TUB: variants seen among roughly 807,000 people sequenced by gnomAD.
TUB encodes the protein tubby protein homolog.
Under a neutral mutation model 59.7 loss-of-function variants are expected in TUB, and 33 were observed. That is an observed-to-expected ratio of 0.55 (90% CI 0.42 to 0.74). The LOEUF (loss-of-function observed/expected upper bound fraction) is 0.74. TUB is among the 30% of genes least tolerant of loss of function. TUB has a pLI of 0.00. For missense variants in TUB, 659 were observed against 672.0 expected (o/e 0.98, Z 0.21); for synonymous variants, 293 against 256.4 (o/e 1.14, Z -1.36).
chr11:8,051,045 G>A (rs965286936), intron 2 of TUB, among the ~76,000 whole-genome samples: 8 of 152,200 alleles, frequency 5.3e-5, no homozygotes, highest in African/African-American at 1.2e-4. Flanking sequence ...AGGGGAGCCC[G>A]GGGAGTGGAG....
At chr11:8,053,044 G>C (rs1942957628) in intron 2 of TUB, among the ~76,000 whole-genome samples, 1 of 152,138 alleles carries the variant, frequency 6.6e-6, no homozygotes, top group Non-Finnish European at 1.5e-5. Context: ...TCTTTATCCT[G>C]TCAACTATAC....
intron 2 of TUB, chr11:8,076,154 G>C (rs7125230): frequency 0.32 from 48,840 of 152,074 alleles, 13,148 homozygotes; most frequent in African/African-American, 0.74. Flanking sequence ...CTTGCTGGGT[G>C]CTACCTCTGT....
intron 1 of TUB, among the ~76,000 whole-genome samples, chr11:8,084,050 C>A (rs1018901875): frequency 7.9e-5 from 12 of 152,232 alleles, no homozygotes; most frequent in African/African-American, 2.9e-4. Flanking sequence ...GGAGTGGGGG[C>A]AGGGGGTGGC....
Position 8,093,902 on chromosome 11 carries a change from G to A in TUB, c.254-144G>A. Reference sequence around the variant, plus strand: ...AGTAGAGATGAGTGGGCCTGATCCTGTGGGCTGTAGAAGTGGTACAGGGGC... The same window carrying A: ...AGTAGAGATGAGTGGGCCTGATCCTATGGGCTGTAGAAGTGGTACAGGGGC... On this transcript the variant is annotated intron_variant, in intron 3 of 11. Coordinates refer to ENST00000299506, the MANE Select transcript of TUB (RefSeq NM_177972.3). 4.4e-6 allele frequency: 4 copies of A among 914,104 alleles called. No homozygotes were observed. The South Asian group carries it at 4.6e-5, about 11-fold the overall frequency. 56.6% of individuals were successfully genotyped at this position (914,104 alleles called of 1,614,324 possible). A position where few individuals can be genotyped will look rare whatever the true frequency, so the allele number is the denominator to read the frequency against.
intron 1 of TUB, among the ~76,000 whole-genome samples, chr11:8,088,337 A>G (rs1042741371): frequency 2.6e-5 from 4 of 152,296 alleles, no homozygotes; most frequent in East Asian, 1.9e-4. Context: ...TAGGTGGTCA[A>G]TGATTGTTCC....
intron 1 of TUB, among the ~76,000 whole-genome samples, chr11:8,030,335 A>G (rs1217681038): frequency 6.6e-6 from 1 of 152,160 alleles, no homozygotes; most frequent in Non-Finnish European, 1.5e-5. Context: ...GTATCTGTTG[A>G]TACTTACTGC....
chr11:8,088,660 T>C (rs985712437), intron 1 of TUB, among the ~76,000 whole-genome samples: 8 of 152,202 alleles, frequency 5.3e-5, no homozygotes, highest in Non-Finnish European at 7.3e-5. Flanking sequence ...ATCCTCAGGC[T>C]CCAACCTCAC....
chr11:8,071,816 AG>A (rs994384538), intron 2 of TUB, among the ~76,000 whole-genome samples: 54 of 152,324 alleles, frequency 3.5e-4, no homozygotes, highest in African/African-American at 1.3e-3. Flanking sequence ...CAGTGGCCCG[AG>A]GCCCCTCCCA....
At chr11:8,048,455 A>G (rs913718927) in intron 2 of TUB, among the ~76,000 whole-genome samples, 2 of 152,114 alleles carry the variant, frequency 1.3e-5, no homozygotes, top group Non-Finnish European at 2.9e-5. Flanking sequence ...AGGCTGGAAC[A>G]TGGTGATGCG....
intron 6 of TUB, 95 bp downstream of exon 6, chr11:8,096,901 A>G (rs1944019038): frequency 1.4e-6 from 2 of 1,430,972 alleles, no homozygotes; most frequent in African/African-American, 1.4e-5. Flanking sequence ...GTATGCCTTT[A>G]GGAGCTTCTC....
rs965673703 is a variant in TUB, at chr11:8,104,931, T to TC, written c.*3312_*3313insC. On this transcript the variant is annotated 3_prime_UTR_variant, in exon 12 of 12. Transcript: ENST00000299506. ...ACAAAATTCTAGAAGCAGAAGGTTG[T>TC]TTTTTTTTTTTTTTCTCCATTCTGA... is the stretch of plus-strand genomic sequence containing the variant. The TC allele has an allele frequency of 7.5e-6, 1 of 132,982 alleles. No homozygotes were observed. Among genetic ancestry groups the TC allele is most frequent in the Non-Finnish European group, 1.6e-5 (1 of 61,588 alleles). The allele number at this position is 132,982 out of a possible 1,614,324, so 8.2% of individuals were successfully genotyped here.
chr11:8,094,546 G>C (rs1564920564), intron 4 of TUB, among the ~76,000 whole-genome samples: 2 of 152,204 alleles, frequency 1.3e-5, no homozygotes, highest in Non-Finnish European at 2.9e-5. Flanking sequence ...TGCACTGGGG[G>C]CTGACTGCTT....
intron 11 of TUB, 26 bp downstream of exon 11, chr11:8,101,023 A>G: frequency 6.2e-7 from 1 of 1,613,634 alleles, no homozygotes; most frequent in South Asian, 1.1e-5. Context: ...CCTACTCATT[A>G]TGGTCCGTAG....
intron 1 of TUB, among the ~76,000 whole-genome samples, chr11:8,084,774 A>G (rs1186820415): frequency 6.6e-6 from 1 of 152,148 alleles, no homozygotes; most frequent in Non-Finnish European, 1.5e-5. Context: ...GGTTCTAAGC[A>G]CACCTGAGGG....
intron 9 of TUB, among the ~76,000 whole-genome samples, chr11:8,099,405 G>A (rs963481935): frequency 1.3e-5 from 2 of 152,204 alleles, no homozygotes; most frequent in Admixed American, 6.5e-5. Flanking sequence ...TAAAATCAGG[G>A]GTGGGTATCT....
chr11:8,092,448 C>G (rs529500678), intron 3 of TUB, among the ~76,000 whole-genome samples: 18 of 152,120 alleles, frequency 1.2e-4, no homozygotes, highest in Non-Finnish European at 2.1e-4. Flanking sequence ...AGTTAGTTAC[C>G]TGCTCGCTTG....
chr11:8,079,611 A>G (rs1943505719), upstream of TUB, among the ~76,000 whole-genome samples: 1 of 151,978 alleles, frequency 6.6e-6, no homozygotes, highest in South Asian at 2.1e-4. Flanking sequence ...GATGGATCTG[A>G]CCTGTCCTGA....
chr11:8,092,016 C>CCA (rs1943791906), intron 3 of TUB, among the ~76,000 whole-genome samples: 1 of 152,240 alleles, frequency 6.6e-6, no homozygotes, highest in Non-Finnish European at 1.5e-5. Context: ...TGCCAGAGGC[C>CCA]AACATCGTGA....
chr11:8,096,692 C>G lies in TUB; in HGVS notation c.573C>G (p.Ser191=). 6.2e-7 allele frequency: 1 copy of G among 1,605,512 alleles called. No individual in the cohort carries two copies. Among genetic ancestry groups the G allele is most frequent in the Non-Finnish European group, 8.5e-7 (1 of 1,172,212 alleles). Residue 191 remains serine (S), a synonymous_variant, in exon 6 of 12, where the codon TCC becomes TCG. Coordinates refer to ENST00000299506, the MANE Select transcript of TUB (RefSeq NM_177972.3). ...LRATMQRKGI[S]SSMSFDEDEE... ...CTTCTCTCCTTGGCCCAGGCATCTCCAGCAGCATGAGCTTTGACGAGGATG... is the reference window on the plus strand; with the variant it reads ...CTTCTCTCCTTGGCCCAGGCATCTCGAGCAGCATGAGCTTTGACGAGGATG...
Sources: gnomAD v4.1 joint callset for allele counts (sites outside exome capture counted in the v4.1 genomes callset) on GRCh38, gnomAD v4.1.1 for gene constraint, MANE v1.5 for transcripts, NCBI Gene and HGNC (gene_info 2026-07-23, HGNC 2026-07-21) for gene names.